HNF4A: variants seen among roughly 807,000 people sequenced by gnomAD.
HNF4A encodes the protein hepatocyte nuclear factor 4-alpha.
HNF4A carries 15 observed loss-of-function variants against 52.4 expected under a neutral mutation model. That is an observed-to-expected ratio of 0.29 (90% CI 0.19 to 0.44). The LOEUF (loss-of-function observed/expected upper bound fraction) is 0.44. HNF4A is among the 20% of genes least tolerant of loss of function. HNF4A has a pLI of 1.00. For missense variants in HNF4A, 479 were observed against 647.2 expected (o/e 0.74, Z 2.82); for synonymous variants, 280 against 264.4 (o/e 1.06, Z -0.57).
At chr20:44,365,822 T>C (rs2062964767) in intron 1 of HNF4A, among the ~76,000 whole-genome samples, 1 of 151,658 alleles carries the variant, frequency 6.6e-6, no homozygotes, top group Non-Finnish European at 1.5e-5. Flanking sequence ...GCCTGGGCAA[T>C]ATGGCAAAAA....
At chr20:44,383,746 A>C (rs2063184599) in intron 1 of HNF4A, among the ~76,000 whole-genome samples, 1 of 151,750 alleles carries the variant, frequency 6.6e-6, no homozygotes, top group South Asian at 2.1e-4. Flanking sequence ...TAGAGACAGG[A>C]TATCACCATG....
At chr20:44,365,556 A>G (rs2062962369) in intron 1 of HNF4A, among the ~76,000 whole-genome samples, 1 of 152,172 alleles carries the variant, frequency 6.6e-6, no homozygotes, top group Non-Finnish European at 1.5e-5. Flanking sequence ...ACAGAATGCA[A>G]CCAGTTGGTG....
intron 1 of HNF4A, among the ~76,000 whole-genome samples, chr20:44,368,822 T>C (rs980615325): frequency 5.3e-5 from 8 of 152,194 alleles, no homozygotes; most frequent in African/African-American, 1.9e-4. Flanking sequence ...ATTTAAAATA[T>C]TGATTTATCT....
At chr20:44,416,757 CT>C (rs2063670796) in intron 5 of HNF4A, among the ~76,000 whole-genome samples, 1 of 152,230 alleles carries the variant, frequency 6.6e-6, no homozygotes, top group Non-Finnish European at 1.5e-5. Context: ...TTATTGAAGG[CT>C]TATTTTGTGC....
At chr20:44,377,785 T>G (rs1482333910) in intron 1 of HNF4A, 1 of 152,224 alleles carries the variant, frequency 6.6e-6, no homozygotes, top group Admixed American at 6.5e-5. Flanking sequence ...GTTTATTTGT[T>G]TGTTTTGAGA....
intron 3 of HNF4A, among the ~76,000 whole-genome samples, chr20:44,409,041 C>G (rs991177541): frequency 2.6e-5 from 4 of 151,992 alleles, no homozygotes; most frequent in African/African-American, 4.8e-5. Context: ...TCTGCCCCCT[C>G]CCTTGGAAAT....
chr20:44,433,247 G>C (rs1432659513), downstream of HNF4A: 1 of 152,372 alleles, frequency 6.6e-6, no homozygotes, highest in African/African-American at 2.4e-5. Context: ...CCAAGGGTCT[G>C]TCATCCTCCA....
At chr20:44,413,553 C>G in intron 3 of HNF4A, 141 bp from the exon 4 acceptor site, 1 of 707,788 alleles carries the variant, frequency 1.4e-6, no homozygotes, top group Non-Finnish European at 2.6e-6. Flanking sequence ...TAGAGGCCAT[C>G]TCCCCTCATT....
chr20:44,368,160 A>ATATATATATATATATATTTT (rs1200638153), intron 1 of HNF4A, among the ~76,000 whole-genome samples: 2 of 27,780 alleles, frequency 7.2e-5, no homozygotes, highest in African/African-American at 2.9e-4. Flanking sequence ...ATATATATAT[A>ATATATATATATATATATTTT]TTTTTTTTTT....
chr20:44,355,875 C>G (rs1225802586), intron 1 of HNF4A, 22 bp downstream of exon 1: 2 of 1,605,874 alleles, frequency 1.2e-6, no homozygotes. Flanking sequence ...TGGGGGAAGA[C>G]TGGACAGGGC....
intron 1 of HNF4A, among the ~76,000 whole-genome samples, chr20:44,404,097 T>C (rs2063448559): frequency 6.6e-6 from 1 of 152,224 alleles, no homozygotes; most frequent in Non-Finnish European, 1.5e-5. Context: ...CGGCAGTGTC[T>C]GCTTGTGCAA....
intron 1 of HNF4A, among the ~76,000 whole-genome samples, chr20:44,402,826 T>C (rs2063430284): frequency 6.6e-6 from 1 of 152,194 alleles, no homozygotes. Flanking sequence ...GTCTGGAATC[T>C]TGTGGTCAGC....
chr20:44,377,452 C>T (rs529737257), intron 1 of HNF4A, among the ~76,000 whole-genome samples: 17 of 152,232 alleles, frequency 1.1e-4, no homozygotes, highest in East Asian at 1.9e-4. Context: ...GTTGAAATAA[C>T]GGGCCAGGCA....
chr20:44,400,041 C>G (rs1372525468), upstream of HNF4A, among the ~76,000 whole-genome samples: 1 of 152,188 alleles, frequency 6.6e-6, no homozygotes, highest in Non-Finnish European at 1.5e-5. Context: ...AATGTCTGCA[C>G]AGAAGGCAAT....
intron 9 of HNF4A, 127 bp from the exon 10 acceptor site, chr20:44,429,396 T>G: frequency 9.9e-7 from 1 of 1,007,008 alleles, no homozygotes; most frequent in Non-Finnish European, 1.5e-6. Flanking sequence ...ATTCTCTCAT[T>G]TTATAGAGGA....
chr20:44,416,354 A>G (rs1350004779), intron 5 of HNF4A, among the ~76,000 whole-genome samples: 1 of 152,236 alleles, frequency 6.6e-6, no homozygotes, highest in Non-Finnish European at 1.5e-5. Flanking sequence ...GGGCCTGGAT[A>G]CAATTGCAGA....
chr20:44,415,337 G>T (rs537039176), intron 5 of HNF4A, among the ~76,000 whole-genome samples: 3 of 152,150 alleles, frequency 2.0e-5, no homozygotes, highest in African/African-American at 4.8e-5. Flanking sequence ...ATTGAACTCA[G>T]CATCGTGTTT....
chr20:44,374,232 T>C (rs2063062376), intron 1 of HNF4A, among the ~76,000 whole-genome samples: 1 of 152,158 alleles, frequency 6.6e-6, no homozygotes, highest in South Asian at 2.1e-4. Flanking sequence ...ACATGCAGTA[T>C]TTGTTTTTTT....
rs1392795567 is a variant in HNF4A at position 44,414,663 on chromosome 20, G to A, written c.648+1G>A. 6.2e-7 allele frequency: 1 copy of A among 1,600,248 alleles called. No individual in the cohort carries two copies. Among genetic ancestry groups the A allele is most frequent in the Admixed American group, 1.8e-5 (1 of 56,840 alleles). ...CTGCGAGCTCCCCCTGGACGACCAG[G>A]TGAGGATGGGCGTGGATGGTGGGCA... On this transcript the variant is annotated splice_donor_variant, in intron 5 of 9. Coordinates refer to ENST00000316099, the MANE Select transcript of HNF4A (RefSeq NM_000457.6). LOFTEE classifies it high-confidence loss of function.
Sources: allele counts gnomAD v4.1 joint callset (sites outside exome capture counted in the v4.1 genomes callset), GRCh38; gene constraint gnomAD v4.1.1; transcripts MANE v1.5; gene names NCBI Gene and HGNC (gene_info 2026-07-23, HGNC 2026-07-21).